PDE1C: variants seen among roughly 807,000 people sequenced by gnomAD.
PDE1C encodes the protein phosphodiesterase 1C.
In PDE1C, 62 loss-of-function variants were observed where a neutral mutation model predicts 93.1. That is an observed-to-expected ratio of 0.67 (90% CI 0.54 to 0.82). The LOEUF (loss-of-function observed/expected upper bound fraction) is 0.82, where lower values mean the gene tolerates loss of function less well. Among genes scored for constraint, PDE1C ranks in the 40% least tolerant of loss-of-function variants. The pLI, the probability that PDE1C is intolerant of heterozygous loss-of-function variation, is 0.00. For missense variants in PDE1C, 742 were observed against 884.6 expected (o/e 0.84, Z 2.04); for synonymous variants, 325 against 310.1 (o/e 1.05, Z -0.50).
the PDE1C span, among the ~76,000 whole-genome samples, chr7:31,672,220 C>T: frequency 0.82 from 124,935 of 152,036 alleles, 51,888 homozygotes; most frequent in African/African-American, 0.95. Flanking sequence ...CTTGGCAAGA[C>T]GGATGGAAGT....
the PDE1C span, among the ~76,000 whole-genome samples, chr7:31,701,701 C>T: frequency 1.3e-5 from 2 of 152,190 alleles, no homozygotes; most frequent in East Asian, 3.8e-4. Context: ...TTGCCACAGC[C>T]ACCTAACCTT....
chr7:32,056,389 A>T (rs200398807), intron 1 of PDE1C, among the ~76,000 whole-genome samples: 6,015 of 151,272 alleles, frequency 0.04, 134 homozygotes, highest in Middle Eastern at 0.086. Context: ...ACACACACAC[A>T]CACACACACA....
the PDE1C span, among the ~76,000 whole-genome samples, chr7:31,631,579 T>A: frequency 6.6e-6 from 1 of 152,200 alleles, no homozygotes; most frequent in Non-Finnish European, 1.5e-5. Flanking sequence ...CAAAGATAAG[T>A]TAATTTTACA....
intron 1 of PDE1C, among the ~76,000 whole-genome samples, chr7:32,387,766 G>A (rs1284074710): frequency 2.4e-5 from 3 of 125,948 alleles, no homozygotes; most frequent in South Asian, 3.2e-4. Context: ...GGGCAGAGGC[G>A]CCCCTCACCT....
At chr7:32,132,008 A>G (rs1332896415) in intron 3 of PDE1C, among the ~76,000 whole-genome samples, 1 of 152,182 alleles carries the variant, frequency 6.6e-6, no homozygotes, top group Non-Finnish European at 1.5e-5. Context: ...AATGATTGTT[A>G]AATCATTGTT....
Position 32,304,737 on chromosome 7 carries a change from G to A in PDE1C, c.311-95198C>T, listed in dbSNP as rs1422175990. 2.6e-5 allele frequency among the ~76,000 whole-genome samples: 4 copies of A among 151,976 alleles called. No individual in the cohort carries two copies. In the East Asian group the frequency reaches 7.7e-4, roughly 29 times the overall value. ...TCTTAGTTTTTTCTTTTGTAAAATGGACATAAAATACCTATCTCATAAGAA... is the reference window on the plus strand; with the variant it reads ...TCTTAGTTTTTTCTTTTGTAAAATGAACATAAAATACCTATCTCATAAGAA... On this transcript the variant is annotated intron_variant, in intron 1 of 1. Coordinates refer to the PDE1C transcript ENST00000672256.
At chr7:31,833,161 T>C (rs1395731913) in intron 11 of PDE1C, among the ~76,000 whole-genome samples, 2 of 152,208 alleles carry the variant, frequency 1.3e-5, no homozygotes, top group African/African-American at 4.8e-5. Context: ...TTTCACTTGG[T>C]TCTCATGCTG....
Position 31,816,087 on chromosome 7 carries a change from C to T in PDE1C, c.1650G>A (p.Met550Ile). Residue 550 changes from methionine to isoleucine, a missense_variant, in exon 15 of 18, where the codon ATG (methionine) becomes ATA (isoleucine). Coordinates refer to ENST00000396191, the MANE Select transcript of PDE1C (RefSeq NM_001191057.4). ...RLAAEEQQKE[M>I]EAKSQAEEGA... Reference sequence around the variant, plus strand: ...CTTCTTCAGCCTGGCTTTTGGCTTCCATTTCCTTTTGCTGCTCCTCTGCGG... The same window carrying T: ...CTTCTTCAGCCTGGCTTTTGGCTTCTATTTCCTTTTGCTGCTCCTCTGCGG... The T allele has an allele frequency of 6.2e-7, 1 of 1,613,988 alleles. No homozygotes were observed. The highest frequency in any genetic ancestry group is 8.5e-7 in the Non-Finnish European group (1 of 1,179,938).
At chr7:32,210,446 G>T (rs6462343) in intron 1 of PDE1C, among the ~76,000 whole-genome samples, 1 of 151,980 alleles carries the variant, frequency 6.6e-6, no homozygotes, top group Non-Finnish European at 1.5e-5. Flanking sequence ...GATTGCTAAC[G>T]TCATCATGAA....
chr7:32,275,796 C>T (rs1220302015), intron 1 of PDE1C, among the ~76,000 whole-genome samples: 1 of 152,140 alleles, frequency 6.6e-6, no homozygotes, highest in African/African-American at 2.4e-5. Flanking sequence ...ACTCCCAAAC[C>T]CCACGACCAC....
intron 3 of PDE1C, among the ~76,000 whole-genome samples, chr7:32,150,120 C>T (rs745412666): frequency 1.3e-5 from 2 of 152,154 alleles, no homozygotes; most frequent in Non-Finnish European, 2.9e-5. Context: ...GAACTGACTC[C>T]CAGCACCGGA....
At chr7:32,092,930 T>C (rs80117395) in intron 3 of PDE1C, among the ~76,000 whole-genome samples, 293 of 152,286 alleles carry the variant, frequency 1.9e-3, no homozygotes, top group African/African-American at 7.0e-3. Flanking sequence ...CCCAAAGTGA[T>C]CCACTAGTCA....
chr7:32,368,505 G>A (rs186799323), intron 1 of PDE1C, among the ~76,000 whole-genome samples: 181 of 152,108 alleles, frequency 1.2e-3, no homozygotes, highest in South Asian at 2.7e-3. Context: ...AATTAAAGAA[G>A]ATAAAAACAA....
chr7:31,738,410 T>C, the PDE1C span, among the ~76,000 whole-genome samples: 1 of 152,162 alleles, frequency 6.6e-6, no homozygotes, highest in Non-Finnish European at 1.5e-5. Flanking sequence ...GGAACTACCA[T>C]TTATAAAACC....
At chr7:31,893,983 T>C (rs1798960301) in intron 2 of PDE1C, among the ~76,000 whole-genome samples, 1 of 152,196 alleles carries the variant, frequency 6.6e-6, no homozygotes, top group Non-Finnish European at 1.5e-5. Context: ...TGAACCTACA[T>C]GGTGTCATAA....
the PDE1C span, among the ~76,000 whole-genome samples, chr7:31,646,212 C>G: frequency 2.0e-5 from 3 of 152,096 alleles, no homozygotes; most frequent in Admixed American, 2.0e-4. Flanking sequence ...TTTTCTAGAC[C>G]TGTTTAATCC....
intron 2 of PDE1C, among the ~76,000 whole-genome samples, chr7:31,908,077 A>G (rs1241573901): frequency 1.3e-5 from 2 of 152,216 alleles, no homozygotes; most frequent in African/African-American, 2.4e-5. Flanking sequence ...ACTTCATTTA[A>G]ATGTTTTCAG....
At chr7:31,955,524 C>A (rs527433762) in intron 2 of PDE1C, among the ~76,000 whole-genome samples, 4 of 152,098 alleles carry the variant, frequency 2.6e-5, no homozygotes, top group South Asian at 4.2e-4. Flanking sequence ...AGAGTAGGTT[C>A]AATAATAGGA....
chr7:32,336,430 T>C (rs1783627165), intron 1 of PDE1C, among the ~76,000 whole-genome samples: 1 of 152,194 alleles, frequency 6.6e-6, no homozygotes, highest in African/African-American at 2.4e-5. Context: ...TTATGTCAAA[T>C]AAATGTGTAA....
Sources: allele counts gnomAD v4.1 joint callset (sites outside exome capture counted in the v4.1 genomes callset), GRCh38; gene constraint gnomAD v4.1.1; transcripts MANE v1.5; gene names NCBI Gene and HGNC (gene_info 2026-07-23, HGNC 2026-07-21).